The following SCHIP1 variants were observed in gnomAD, a reference collection of about 807,000 sequenced individuals.
SCHIP1 encodes schwannomin interacting protein 1, also known as schwannomin-interacting protein 1.
In SCHIP1, 8 loss-of-function variants were observed where a neutral mutation model predicts 29.7. That is an observed-to-expected ratio of 0.27 (90% CI 0.16 to 0.49). The LOEUF (loss-of-function observed/expected upper bound fraction) is 0.49. Among genes scored for constraint, SCHIP1 ranks in the 20% least tolerant of loss-of-function variants. The pLI, the probability that SCHIP1 is intolerant of heterozygous loss-of-function variation, is 0.99. For missense variants in SCHIP1, 193 were observed against 294.6 expected, an observed-to-expected ratio of 0.66 and a Z score of 2.52; for synonymous variants, 76 against 94.9, an observed-to-expected ratio of 0.80 and a Z score of 1.16.
the SCHIP1 span, among the ~76,000 whole-genome samples, chr3:159,643,074 T>C: frequency 1.3e-5 from 2 of 152,080 alleles, no homozygotes; most frequent in African/African-American, 4.8e-5. Context: ...AAACATCTTA[T>C]GTGCTGGGTA....
chr3:159,510,562 G>A, the SCHIP1 span, among the ~76,000 whole-genome samples: 861 of 152,204 alleles, frequency 5.7e-3, 7 homozygotes, highest in African/African-American at 0.02. Flanking sequence ...TAGAGTTTCC[G>A]GTTTTTCTGC....
the SCHIP1 span, among the ~76,000 whole-genome samples, chr3:159,641,385 G>T: frequency 6.6e-6 from 1 of 152,080 alleles, no homozygotes; most frequent in Non-Finnish European, 1.5e-5. Flanking sequence ...AATTATATTT[G>T]CATAGAGCTA....
chr3:159,432,286 ATGTGTGTGTGTG>A, the SCHIP1 span, among the ~76,000 whole-genome samples: 3,185 of 108,084 alleles, frequency 0.029, 152 homozygotes, highest in African/African-American at 0.096. Context: ...AGAGTAGGTG[ATGTGTGTGTGTG>A]TGTGTGTGTG....
At chr3:159,312,437 T>C in the SCHIP1 span, among the ~76,000 whole-genome samples, 1 of 152,124 alleles carries the variant, frequency 6.6e-6, no homozygotes, top group Non-Finnish European at 1.5e-5. Flanking sequence ...GAAGAGAAAG[T>C]GTGTGGAGGA....
the SCHIP1 span, among the ~76,000 whole-genome samples, chr3:159,491,532 T>G: frequency 6.6e-6 from 1 of 152,234 alleles, no homozygotes; most frequent in Admixed American, 6.5e-5. Context: ...GAGATCAAAC[T>G]GCAAGGTGAC....
At chr3:159,611,635 A>T in the SCHIP1 span, among the ~76,000 whole-genome samples, 1 of 152,148 alleles carries the variant, frequency 6.6e-6, no homozygotes, top group Non-Finnish European at 1.5e-5. Context: ...ACCATGGCAC[A>T]TATATACCCA....
At chr3:159,724,054 G>T in the SCHIP1 span, among the ~76,000 whole-genome samples, 2 of 152,114 alleles carry the variant, frequency 1.3e-5, no homozygotes, top group African/African-American at 2.4e-5. Flanking sequence ...ACCACTAGAA[G>T]TTCCTGTATT....
At chr3:159,812,643 A>G in the SCHIP1 span, among the ~76,000 whole-genome samples, 1 of 152,204 alleles carries the variant, frequency 6.6e-6, no homozygotes, top group African/African-American at 2.4e-5. Context: ...AATTAATTGT[A>G]TTCTATTTTT....
chr3:159,656,547 T>C, the SCHIP1 span, among the ~76,000 whole-genome samples: 1 of 152,050 alleles, frequency 6.6e-6, no homozygotes, highest in Non-Finnish European at 1.5e-5. Context: ...AACGGCATGG[T>C]GTTCTGTAGA....
At chr3:159,444,816 A>T in the SCHIP1 span, among the ~76,000 whole-genome samples, 1 of 152,206 alleles carries the variant, frequency 6.6e-6, no homozygotes, top group African/African-American at 2.4e-5. Context: ...CTTCGATGTG[A>T]TGAAGCAGAA....
chr3:159,718,177 A>C, the SCHIP1 span, among the ~76,000 whole-genome samples: 10 of 152,360 alleles, frequency 6.6e-5, no homozygotes, highest in South Asian at 2.1e-3. Flanking sequence ...ACAAAATTTC[A>C]ACAGCCTTTC....
chr3:159,377,217 C>T, the SCHIP1 span, among the ~76,000 whole-genome samples: 1 of 152,206 alleles, frequency 6.6e-6, no homozygotes, highest in Admixed American at 6.5e-5. Flanking sequence ...ATTCTCCTTA[C>T]ATGTCTATTA....
the SCHIP1 span, among the ~76,000 whole-genome samples, chr3:159,438,650 C>T: frequency 6.6e-6 from 1 of 152,138 alleles, no homozygotes; most frequent in Admixed American, 6.6e-5. Context: ...CTACCTCCCA[C>T]CCTTTGACAT....
At chr3:159,724,534 G>T in the SCHIP1 span, among the ~76,000 whole-genome samples, 105 of 152,256 alleles carry the variant, frequency 6.9e-4, no homozygotes, top group African/African-American at 2.5e-3. Context: ...CCTATAACTT[G>T]TTCATAAAAT....
chr3:159,758,364 G>A, the SCHIP1 span, among the ~76,000 whole-genome samples: 1 of 152,026 alleles, frequency 6.6e-6, no homozygotes, highest in South Asian at 2.1e-4. Flanking sequence ...TGTTGGCCAG[G>A]CTGGTCTCGA....
At chr3:159,811,980 G>T in the SCHIP1 span, among the ~76,000 whole-genome samples, 1,497 of 134,282 alleles carry the variant, frequency 0.011, 28 homozygotes, top group African/African-American at 0.027. Context: ...TTTTGTTTTT[G>T]TTTTTTTTTT....
the SCHIP1 span, among the ~76,000 whole-genome samples, chr3:159,561,405 T>G: frequency 5.9e-5 from 9 of 152,232 alleles, no homozygotes; most frequent in Non-Finnish European, 1.3e-4. Context: ...TTAAACACCT[T>G]GCAGTGGTCA....
the SCHIP1 span, among the ~76,000 whole-genome samples, chr3:159,720,196 G>T: frequency 1.9e-4 from 28 of 146,506 alleles, 1 homozygote; most frequent in African/African-American, 6.8e-4. Context: ...CTTGGACACA[G>T]GGTGGGGAAC....
At chr3:159,334,655 A>C in the SCHIP1 span, among the ~76,000 whole-genome samples, 1 of 152,132 alleles carries the variant, frequency 6.6e-6, no homozygotes, top group South Asian at 2.1e-4. Context: ...ACTTTTAGAG[A>C]CTGGCTTGTT....
Sources: allele counts gnomAD v4.1 joint callset (sites outside exome capture counted in the v4.1 genomes callset), GRCh38; gene constraint gnomAD v4.1.1; transcripts MANE v1.5; gene names NCBI Gene and HGNC (gene_info 2026-07-23, HGNC 2026-07-21).